CGN: variants seen among roughly 807,000 people sequenced by gnomAD.
CGN encodes the protein cingulin.
In CGN, 121 loss-of-function variants were observed where a neutral mutation model predicts 157.1. The observed-to-expected ratio is 0.77, with a 90% CI of 0.66 to 0.90. The LOEUF is 0.90. Ranked by LOEUF, CGN falls within the 40% of genes least tolerant of loss-of-function variation. The pLI is 0.00. For missense variants in CGN, 1,424 were observed against 1,520.9 expected (o/e 0.94, Z 1.06); for synonymous variants, 535 against 607.5 (o/e 0.88, Z 1.76).
Position 151,525,791 on chromosome 1 carries a change from G to A in CGN, c.1763+1G>A. On this transcript the variant is annotated splice_donor_variant, in intron 9 of 20. Coordinates refer to ENST00000271636, the MANE Select transcript of CGN (RefSeq NM_020770.3). LOFTEE classifies it high-confidence loss of function. ...AGGATCTTAGAGCCACCAAGCAGGA[G>A]TAAGGACATTGGCCCTCTCAGAAAT... is the stretch of plus-strand genomic sequence containing the variant. 1 of 1,571,136 alleles carries A rather than the reference G, an allele frequency of 6.4e-7. No homozygotes were observed. The highest frequency in any genetic ancestry group is 8.6e-7 in the Non-Finnish European group (1 of 1,158,320).
At chr1:151,518,392 T>G in intron 1 of CGN, 114 bp from the exon 2 acceptor site, 1 of 873,294 alleles carries the variant, frequency 1.1e-6, no homozygotes, top group Non-Finnish European at 1.7e-6. Flanking sequence ...CTTCTGTTAG[T>G]CTGAGAATCA....
Position 151,520,272 on chromosome 1 carries a change from T to TG in CGN, c.974+11dup, listed in dbSNP as rs1249072587. On this transcript the variant is annotated splice_region_variant and intron_variant, in intron 3 of 20. Coordinates refer to ENST00000271636, the MANE Select transcript of CGN (RefSeq NM_020770.3). The stretch of plus-strand genomic sequence containing the variant: ...TATGGCATCCTGAGGGAGGGGTGAG[T>TG]GGGGGCCCCCCCAACAACAGAGGCA... 2.5e-6 allele frequency: 4 copies of TG among 1,610,508 alleles called. No homozygotes were observed. Among genetic ancestry groups the TG allele is most frequent in the Non-Finnish European group, 2.5e-6 (3 of 1,177,670 alleles).
At position 151,529,540 on chromosome 1, in the gene CGN, A is replaced by C; in HGVS notation, c.2087A>C (p.Asp696Ala). The change falls in exon 11 of 21, where the codon GAC (aspartate) becomes GCC (alanine). Residue 696 changes from aspartate (D) to alanine (A), a missense_variant. Around this residue, in one of 3 missense-constraint regions of CGN, gnomAD observed 1,187 missense variants for 1,217.6 expected, o/e 0.97. Coordinates refer to ENST00000271636, the MANE Select transcript of CGN (RefSeq NM_020770.3). ...AAGACCCTCCAGCAACTGCGACAGG[A>C]CTGTGAAGAGGCTTCCAAGGCAAGG... ...LQKTLQQLRQ[D>A]CEEASKAKMV... 6.2e-7 allele frequency: 1 copy of C among 1,613,742 alleles called. No homozygotes were observed. Among genetic ancestry groups the C allele is most frequent in the Non-Finnish European group, 8.5e-7 (1 of 1,179,918 alleles).
Position 151,518,988 on chromosome 1 carries a change from C to G in CGN, c.469C>G (p.Leu157Val), listed in dbSNP as rs749481156. Residue 157 changes from leucine to valine, a missense_variant, in exon 2 of 21, where the codon CTG (leucine) becomes GTG (valine). Around this residue, in one of 3 missense-constraint regions of CGN, gnomAD observed 1,187 missense variants for 1,217.6 expected, o/e 0.97. Coordinates refer to ENST00000271636, the MANE Select transcript of CGN (RefSeq NM_020770.3). ...VDPSNRSNSMLELAPKVASPG... is the reference protein window; with the variant it reads ...VDPSNRSNSMVELAPKVASPG... ...TCCTAGTAACAGAAGCAACAGCATGCTGGAGCTAGCCCCGAAAGTGGCTTC... is the reference window on the plus strand; with the variant it reads ...TCCTAGTAACAGAAGCAACAGCATGGTGGAGCTAGCCCCGAAAGTGGCTTC... 15 of 1,614,218 alleles carry G rather than the reference C, an allele frequency of 9.3e-6. No homozygotes were observed. Among genetic ancestry groups the G allele is most frequent in the Non-Finnish European group, 1.3e-5 (15 of 1,180,038 alleles).
At chr1:151,523,186 C>G (rs1487600239) in intron 5 of CGN, among the ~76,000 whole-genome samples, 1 of 152,190 alleles carries the variant, frequency 6.6e-6, no homozygotes, top group African/African-American at 2.4e-5. Flanking sequence ...CAAGCCCGTG[C>G]TCGAGGCAAA....
chr1:151,513,345 G>T (rs1327338161), intron 1 of CGN, among the ~76,000 whole-genome samples: 10 of 152,182 alleles, frequency 6.6e-5, no homozygotes, highest in Non-Finnish European at 1.2e-4. Flanking sequence ...AGCAGCTGTA[G>T]CCTGGCTCTC....
chr1:151,527,531 A>G (rs1400445418), intron 10 of CGN, among the ~76,000 whole-genome samples: 1 of 152,188 alleles, frequency 6.6e-6, no homozygotes, highest in Non-Finnish European at 1.5e-5. Flanking sequence ...ATTAATTTAC[A>G]TTGAGAAATA....
intron 10 of CGN, chr1:151,527,945 TATATA>T: frequency 7.1e-6 from 1 of 140,900 alleles, no homozygotes; most frequent in Non-Finnish European, 1.2e-5. Flanking sequence ...TATATATATA[TATATA>T]TTTTTTTTTT....
chr1:151,520,720 A>C, intron 5 of CGN, 29 bp downstream of exon 5: 1 of 1,586,274 alleles, frequency 6.3e-7, no homozygotes, highest in Non-Finnish European at 8.6e-7. Context: ...TGCCGGAGGC[A>C]TGAAGGAAAA....
At chr1:151,534,533 A>G (rs761291817) in intron 15 of CGN, 7 of 249,838 alleles carry the variant, frequency 2.8e-5, no homozygotes, top group Non-Finnish European at 4.7e-5. Context: ...TCTGTGGGGT[A>G]GGTAGTCTTG....
chr1:151,527,909 T>C (rs1664722768), intron 10 of CGN: 1 of 298,300 alleles, frequency 3.4e-6, no homozygotes, highest in Non-Finnish European at 6.5e-6. Flanking sequence ...TGCTCTTGCA[T>C]GCAGTTGGAG....
At position 151,511,762 on chromosome 1, in the gene CGN, C is replaced by T. The variant is rs1664301142; in HGVS notation, c.-15+247C>T. Reference sequence around the variant, plus strand: ...AGGGGCACCTGGGGCGAAGGCTGTTCCCAGCGCATGAAAGCGTTTCAGCGC... The same window carrying T: ...AGGGGCACCTGGGGCGAAGGCTGTTTCCAGCGCATGAAAGCGTTTCAGCGC... On this transcript the variant is annotated intron_variant, in intron 1 of 20. Transcript: ENST00000271636. The surrounding 1 kb of genome is among the most constrained non-coding windows in gnomAD (Gnocchi z 4.8). 1.3e-5 allele frequency among the ~76,000 whole-genome samples: 2 copies of T among 152,170 alleles called. No individual in the cohort carries two copies. Among genetic ancestry groups the T allele is most frequent in the Admixed American group, 1.3e-4 (2 of 15,288 alleles).
At chr1:151,523,663 T>C in intron 6 of CGN, 102 bp downstream of exon 6, 3 of 1,190,852 alleles carry the variant, frequency 2.5e-6, no homozygotes, top group African/African-American at 1.5e-5. Flanking sequence ...CAGAAGGAAA[T>C]CTCCAGAAGC....
At position 151,534,077 on chromosome 1, in the gene CGN, G is replaced by C. The variant is rs754556951; in HGVS notation, c.2845G>C (p.Glu949Gln). ...LAQRLQGLEQ[E>Q]AENKKRSQDD... ...CCAGCGACTGCAGGGGCTGGAGCAA[G>C]AGGCAGAGAACAAGAAGCGTTCCCA... The change falls in exon 15 of 21, where the codon GAG becomes CAG. Residue 949 changes from glutamate to glutamine, a missense_variant. This residue lies in a region of CGN where 1,187 missense variants were observed against 1,217.6 expected (regional missense o/e 0.97). Transcript: ENST00000271636. The C allele has an allele frequency of 1.2e-6, 2 of 1,613,404 alleles. No homozygotes were observed. Among genetic ancestry groups the C allele is most frequent in the Admixed American group, 3.3e-5 (2 of 59,886 alleles).
chr1:151,518,369 G>A (rs1044335602), intron 1 of CGN, 137 bp from the exon 2 acceptor site: 4 of 679,862 alleles, frequency 5.9e-6, no homozygotes, highest in Non-Finnish European at 9.7e-6. Flanking sequence ...ATGTTAAAAG[G>A]CTCTCCAGGG....
At chr1:151,530,250 T>C in intron 12 of CGN, 135 bp downstream of exon 12, 6 of 1,058,548 alleles carry the variant, frequency 5.7e-6, no homozygotes, top group African/African-American at 1.6e-5. Context: ...CTGTTAACCT[T>C]GGGTTTATTT....
chr1:151,527,255 G>A (rs2298167), intron 10 of CGN, 148 bp downstream of exon 10: 208,878 of 811,060 alleles, frequency 0.26, 37,628 homozygotes, highest in East Asian at 0.79. Flanking sequence ...TCTCTTTCCA[G>A]CACAGCAGCA....
At chr1:151,530,325 C>T (rs1206049437) in intron 12 of CGN, among the ~76,000 whole-genome samples, 164 bp from the exon 13 acceptor site, 1 of 152,182 alleles carries the variant, frequency 6.6e-6, no homozygotes, top group Non-Finnish European at 1.5e-5. Context: ...TTATTTCTCA[C>T]CCTTTGCTTG....
chr1:151,532,920 G>T (rs768710809), intron 14 of CGN, among the ~76,000 whole-genome samples: 1 of 152,014 alleles, frequency 6.6e-6, no homozygotes, highest in South Asian at 2.1e-4. Context: ...CGCCCAGCCC[G>T]GTCCTTGCCT....
Sources: gnomAD v4.1 joint callset for allele counts (sites outside exome capture counted in the v4.1 genomes callset) on GRCh38, gnomAD v4.1.1 for gene constraint, gnomAD v4.1.1 regional missense constraint, Gnocchi (gnomAD v3.1) non-coding constraint, MANE v1.5 for transcripts, NCBI Gene and HGNC (gene_info 2026-07-23, HGNC 2026-07-21) for gene names.